The following HHIP variants were observed in gnomAD, a reference collection of about 807,000 sequenced individuals.
HHIP encodes hedgehog-interacting protein.
Under a neutral mutation model 74.0 loss-of-function variants are expected in HHIP, and 12 were observed. The observed-to-expected ratio is 0.16, with a 90% confidence interval of 0.10 to 0.26. The LOEUF is 0.26. Ranked by LOEUF, HHIP falls within the 10% of genes least tolerant of loss-of-function variation. The pLI is 1.00. For missense variants in HHIP, 788 were observed against 845.0 expected (o/e 0.93, Z 0.84); for synonymous variants, 309 against 311.6 (o/e 0.99, Z 0.09).
intron 4 of HHIP, among the ~76,000 whole-genome samples, chr4:144,664,435 A>G (rs757360491): frequency 6.6e-5 from 10 of 152,252 alleles, no homozygotes; most frequent in Non-Finnish European, 1.3e-4. Flanking sequence ...CTAAGTCCTC[A>G]TCAACCATGG....
chr4:144,682,710 T>G (rs757711281), intron 4 of HHIP, among the ~76,000 whole-genome samples: 3 of 152,212 alleles, frequency 2.0e-5, no homozygotes, highest in Non-Finnish European at 2.9e-5. Flanking sequence ...AAAATACAGA[T>G]GAGACCATTT....
At chr4:144,667,159 A>G (rs1385464603) in intron 4 of HHIP, among the ~76,000 whole-genome samples, 1 of 152,060 alleles carries the variant, frequency 6.6e-6, no homozygotes, top group Non-Finnish European at 1.5e-5. Flanking sequence ...GACCAGCTTT[A>G]TCAACATAGC....
chr4:144,715,066 A>G (rs1392652399), intron 9 of HHIP: 1 of 381,140 alleles, frequency 2.6e-6, no homozygotes, highest in Non-Finnish European at 5.0e-6. Context: ...GGCTTTTCTC[A>G]TACTCAGGTA....
chr4:144,705,086 G>A (rs186043766), intron 4 of HHIP, among the ~76,000 whole-genome samples: 59 of 152,258 alleles, frequency 3.9e-4, no homozygotes, highest in Non-Finnish European at 7.4e-4. Flanking sequence ...TGACTTGGTC[G>A]TTCTGTGTAT....
intron 4 of HHIP, among the ~76,000 whole-genome samples, chr4:144,674,845 T>C (rs1001333649): frequency 3.3e-5 from 5 of 152,092 alleles, no homozygotes; most frequent in African/African-American, 1.2e-4. Context: ...CCTGGTAAGG[T>C]GAGTTGTCAG....
rs199631365 is a variant in HHIP, at chr4:144,738,360, C to T, written c.*403C>T. On this transcript the variant is annotated 3_prime_UTR_variant, in exon 13 of 13. Coordinates refer to ENST00000296575, the MANE Select transcript of HHIP (RefSeq NM_022475.3). ...AGTTTTGAAACAGTACTGTGCAATC[C>T]GATGGATCTAATTAAAAAAAAGGCA... The T allele has an allele frequency of 2.0e-5, 20 of 978,204 alleles. No individual in the cohort carries two copies. The highest frequency in any genetic ancestry group is 6.2e-5 in the Admixed American group (1 of 16,252). The allele number at this position is 978,204 out of a possible 1,614,324, so 60.6% of individuals were successfully genotyped here.
In HHIP at chr4:144,646,777, A is replaced by G; in HGVS notation, c.102A>G (p.Ala34=). The change falls in exon 1 of 13, where the codon GCA becomes GCG. Residue 34 remains alanine, a synonymous_variant. Transcript: ENST00000296575. ...KFGERNEGSG[A]RRRRCLNGNP... ...GGGAAAGAAACGAAGGGAGCGGAGC[A>G]AGGAGGAGAAGGTGCCTGAATGGGA... 2 of 1,614,188 alleles carry G rather than the reference A, an allele frequency of 1.2e-6. No homozygotes were observed. Among genetic ancestry groups the G allele is most frequent in the Non-Finnish European group, 1.7e-6 (2 of 1,180,036 alleles).
rs535061155 is a variant in HHIP at position 144,743,593 on chromosome 4, AGATT to A, written c.*5637_*5640del. On this transcript the variant is annotated 3_prime_UTR_variant, in exon 13 of 13. Transcript: ENST00000296575. ...CTTGGGGTTTTCTTTTTGCATATAT[AGATT>A]ATGTATTACTTAAATCCAAAATACA... The A allele has an allele frequency of 4.3e-4, 66 of 152,178 alleles. No homozygotes were observed. The highest frequency in any genetic ancestry group is 1.5e-3 in the African/African-American group (62 of 41,560). 9.4% of individuals were successfully genotyped at this position (152,178 alleles called of 1,614,324 possible). A position where few individuals can be genotyped will look rare whatever the true frequency, so the allele number is the denominator to read the frequency against.
At chr4:144,719,436 T>C (rs1245169577) in intron 11 of HHIP, among the ~76,000 whole-genome samples, 1 of 152,244 alleles carries the variant, frequency 6.6e-6, no homozygotes, top group African/African-American at 2.4e-5. Context: ...GCAGTGCTCA[T>C]GAAGACTGTG....
intron 4 of HHIP, among the ~76,000 whole-genome samples, chr4:144,684,178 TC>T (rs1245973704): frequency 7.3e-6 from 1 of 136,082 alleles, no homozygotes; most frequent in East Asian, 2.5e-4. Flanking sequence ...TTCGAGACCA[TC>T]CTGGCCAACA....
intron 1 of HHIP, among the ~76,000 whole-genome samples, chr4:144,650,048 T>A (rs1457138580): frequency 1.3e-5 from 2 of 152,180 alleles, no homozygotes; most frequent in African/African-American, 4.8e-5. Context: ...CATCTTAATA[T>A]ACTGTCATGT....
chr4:144,653,686 T>G (rs769828191), intron 2 of HHIP, among the ~76,000 whole-genome samples: 26 of 152,180 alleles, frequency 1.7e-4, no homozygotes, highest in Non-Finnish European at 3.4e-4. Context: ...AACCGTAGAA[T>G]GCACCAAGAG....
At chr4:144,647,889 A>T (rs1257313591) in intron 1 of HHIP, among the ~76,000 whole-genome samples, 1 of 151,996 alleles carries the variant, frequency 6.6e-6, no homozygotes, top group Non-Finnish European at 1.5e-5. Flanking sequence ...TCCCCATTTT[A>T]GGTTTAATTA....
intron 4 of HHIP, among the ~76,000 whole-genome samples, chr4:144,704,596 C>T (rs1463526012): frequency 3.3e-5 from 5 of 152,130 alleles, no homozygotes; most frequent in Non-Finnish European, 7.4e-5. Context: ...TGTTGCTATC[C>T]AATTCAAATT....
intron 4 of HHIP, among the ~76,000 whole-genome samples, chr4:144,671,322 T>G (rs905654077): frequency 5.3e-5 from 8 of 151,900 alleles, no homozygotes; most frequent in Non-Finnish European, 1.0e-4. Context: ...GAGGGTGTTT[T>G]TTTTTTTTTT....
intron 11 of HHIP, among the ~76,000 whole-genome samples, chr4:144,733,543 T>A (rs1398935606): frequency 6.6e-6 from 1 of 152,126 alleles, no homozygotes; most frequent in Admixed American, 6.6e-5. Flanking sequence ...AAAAATTGAG[T>A]CTACAGGGCT....
chr4:144,648,745 C>G (rs1431952601), intron 1 of HHIP: 1 of 152,048 alleles, frequency 6.6e-6, no homozygotes, highest in African/African-American at 2.4e-5. Flanking sequence ...AAATTTTGTT[C>G]TTGACTAAAT....
chr4:144,738,474 A>C lies in HHIP; in HGVS notation c.*517A>C. 2 of 982,146 alleles carry C rather than the reference A, an allele frequency of 2.0e-6. No individual in the cohort carries two copies. The highest frequency in any genetic ancestry group is 2.4e-6 in the Non-Finnish European group (2 of 826,594). 60.8% of individuals were successfully genotyped at this position (982,146 alleles called of 1,614,324 possible). ...AGTGAGCAACTTGATATAAAATTGT[A>C]ATCTTCATTTTTGTCAGTGTATCCA... On this transcript the variant is annotated 3_prime_UTR_variant, in exon 13 of 13. Transcript: ENST00000296575.
chr4:144,707,393 A>G (rs546398287), intron 6 of HHIP, 133 bp downstream of exon 6: 20 of 671,596 alleles, frequency 3.0e-5, no homozygotes, highest in African/African-American at 2.7e-4. Flanking sequence ...TTTTGTCATC[A>G]GTGTCTGCAT....
Sources: gnomAD v4.1 joint callset for allele counts (sites outside exome capture counted in the v4.1 genomes callset) on GRCh38, gnomAD v4.1.1 for gene constraint, MANE v1.5 for transcripts, NCBI Gene and HGNC (gene_info 2026-07-23, HGNC 2026-07-21) for gene names.